Variants in REEP3 observed in about 807,000 individuals in gnomAD.
The protein encoded by REEP3 is receptor accessory protein 3.
REEP3 carries 20 observed loss-of-function variants against 41.3 expected under a neutral mutation model. That is an observed-to-expected ratio of 0.48 (90% CI 0.34 to 0.70). The LOEUF (loss-of-function observed/expected upper bound fraction) is 0.70, where lower values mean the gene tolerates loss of function less well. Among genes scored for constraint, REEP3 ranks in the 30% least tolerant of loss-of-function variants. The pLI is 0.01. For synonymous variants in REEP3, 104 were observed against 101.8 expected, an observed-to-expected ratio of 1.02 and a Z score of -0.13; for missense variants, 271 against 308.8, an observed-to-expected ratio of 0.88 and a Z score of 0.92.
intron 2 of REEP3, among the ~76,000 whole-genome samples, chr10:63,588,410 G>T (rs543883709): frequency 1.3e-5 from 2 of 150,962 alleles, no homozygotes; most frequent in South Asian, 4.2e-4. Context: ...ACATGCTTTC[G>T]TGTTGCTTCA....
At chr10:63,551,409 A>G (rs1589863661) in intron 1 of REEP3, among the ~76,000 whole-genome samples, 1 of 152,332 alleles carries the variant, frequency 6.6e-6, no homozygotes, top group East Asian at 1.9e-4. Flanking sequence ...AAGAATCCAT[A>G]TAATTTATGT....
chr10:63,550,639 A>ATTGTTAAGGATGGCAGAGAT (rs1955619615), intron 1 of REEP3, among the ~76,000 whole-genome samples: 2 of 152,142 alleles, frequency 1.3e-5, no homozygotes, highest in Non-Finnish European at 2.9e-5. Context: ...ACAGGGTAGT[A>ATTGTTAAGGATGGCAGAGAT]TTGTTAAGGA....
In REEP3 at chr10:63,587,657, T is replaced by C. The variant is rs555024260; in HGVS notation, c.106-7121T>C. ...TATTTGAAAACTCAGATTCTACCCA[T>C]CTTCAACACATAGCTTCCAAGGGTG... is the stretch of plus-strand genomic sequence containing the variant. On this transcript the variant is annotated intron_variant, in intron 2 of 7. Coordinates refer to ENST00000373758, the MANE Select transcript of REEP3 (RefSeq NM_001001330.3). 2.0e-5 allele frequency among the ~76,000 whole-genome samples: 3 copies of C among 152,266 alleles called. No individual in the cohort carries two copies. In the South Asian group the frequency reaches 6.2e-4, roughly 32 times the overall value.
intron 5 of REEP3, among the ~76,000 whole-genome samples, chr10:63,600,878 G>A (rs1469857550): frequency 3.3e-5 from 5 of 151,944 alleles, no homozygotes; most frequent in Admixed American, 6.6e-5. Context: ...ATTTGGCCAG[G>A]CACAGTGGCT....
At chr10:63,586,572 T>C (rs887363654) in intron 2 of REEP3, among the ~76,000 whole-genome samples, 3 of 152,200 alleles carry the variant, frequency 2.0e-5, no homozygotes, top group Non-Finnish European at 4.4e-5. Flanking sequence ...GTAGTGAAAA[T>C]GATTGCCATT....
intron 1 of REEP3, among the ~76,000 whole-genome samples, chr10:63,553,932 C>A (rs1955652500): frequency 6.6e-6 from 1 of 152,060 alleles, no homozygotes; most frequent in Non-Finnish European, 1.5e-5. Flanking sequence ...AAAACCACGT[C>A]TCTACTAAAA....
At chr10:63,615,290 A>T (rs1175337147) in intron 6 of REEP3, among the ~76,000 whole-genome samples, 2 of 152,152 alleles carry the variant, frequency 1.3e-5, no homozygotes, top group Non-Finnish European at 2.9e-5. Context: ...TTTTGAAAAA[A>T]TAAGGTATTC....
chr10:63,542,591 A>G (rs1955538728), intron 1 of REEP3, among the ~76,000 whole-genome samples: 1 of 152,220 alleles, frequency 6.6e-6, no homozygotes, highest in Non-Finnish European at 1.5e-5. Flanking sequence ...ACAGCACTAT[A>G]TTACCACTCC....
intron 2 of REEP3, among the ~76,000 whole-genome samples, chr10:63,570,001 G>T (rs1357881241): frequency 6.6e-6 from 1 of 151,948 alleles, no homozygotes; most frequent in African/African-American, 2.4e-5. Context: ...ATTTATAAAT[G>T]ATGTGCATCA....
intron 5 of REEP3, among the ~76,000 whole-genome samples, chr10:63,605,401 A>G (rs1258405794): frequency 6.6e-6 from 1 of 152,184 alleles, no homozygotes; most frequent in East Asian, 1.9e-4. Flanking sequence ...CTTATCTGCA[A>G]TTATAATGTA....
intron 2 of REEP3, among the ~76,000 whole-genome samples, chr10:63,569,752 G>A (rs1457022577): frequency 6.6e-6 from 1 of 152,098 alleles, no homozygotes; most frequent in African/African-American, 2.4e-5. Context: ...GACCAGCCTG[G>A]CCAACATGGT....
chr10:63,551,858 A>C (rs1452644311), intron 1 of REEP3, among the ~76,000 whole-genome samples: 1 of 152,136 alleles, frequency 6.6e-6, no homozygotes, highest in Non-Finnish European at 1.5e-5. Flanking sequence ...TAATAACGAT[A>C]TATTATTATT....
chr10:63,525,498 A>G (rs2133334375), intron 1 of REEP3, among the ~76,000 whole-genome samples: 1 of 151,942 alleles, frequency 6.6e-6, no homozygotes, highest in South Asian at 2.1e-4. Context: ...GGCTTACTGC[A>G]ATTTCCGCCT....
intron 2 of REEP3, among the ~76,000 whole-genome samples, chr10:63,568,861 C>A (rs1836629926): frequency 6.6e-6 from 1 of 151,714 alleles, no homozygotes; most frequent in Non-Finnish European, 1.5e-5. Flanking sequence ...CAGAGTCTTA[C>A]TATGTTGTCC....
intron 2 of REEP3, among the ~76,000 whole-genome samples, chr10:63,583,082 T>C (rs1335290075): frequency 2.0e-5 from 3 of 152,028 alleles, no homozygotes; most frequent in African/African-American, 7.2e-5. Flanking sequence ...GCCTCCCGGG[T>C]TCACGCCATT....
intron 6 of REEP3, among the ~76,000 whole-genome samples, chr10:63,613,074 C>T (rs1185205160): frequency 6.6e-6 from 1 of 151,918 alleles, no homozygotes; most frequent in Non-Finnish European, 1.5e-5. Context: ...TGCAGTGGCA[C>T]GATCTCGGCT....
At chr10:63,587,580 G>T (rs929804929) in intron 2 of REEP3, among the ~76,000 whole-genome samples, 13 of 152,170 alleles carry the variant, frequency 8.5e-5, no homozygotes, top group African/African-American at 2.7e-4. Context: ...TCACATAAAA[G>T]TCCTGGTTAG....
At chr10:63,569,740 G>C (rs1196647686) in intron 2 of REEP3, among the ~76,000 whole-genome samples, 1 of 152,116 alleles carries the variant, frequency 6.6e-6, no homozygotes, top group Admixed American at 6.6e-5. Flanking sequence ...CCAGGAGTTT[G>C]AGACCAGCCT....
chr10:63,611,373 A>T (rs1171356611), intron 6 of REEP3, among the ~76,000 whole-genome samples: 2 of 152,220 alleles, frequency 1.3e-5, no homozygotes, highest in Non-Finnish European at 2.9e-5. Flanking sequence ...TGAAAATAAG[A>T]TTACTCCCAT....
Sources: gnomAD v4.1 joint callset for allele counts (sites outside exome capture counted in the v4.1 genomes callset) on GRCh38, gnomAD v4.1.1 for gene constraint, MANE v1.5 for transcripts, NCBI Gene and HGNC (gene_info 2026-07-23, HGNC 2026-07-21) for gene names.